The following CHD9NB variants were observed in gnomAD, a reference collection of about 807,000 sequenced individuals.
CHD9NB encodes CHD9 neighbor protein.
At chr16:53,049,123 T>C in the CHD9NB span, among the ~76,000 whole-genome samples, 1 of 151,994 alleles carries the variant, frequency 6.6e-6, no homozygotes, top group Non-Finnish European at 1.5e-5. Context: ...CCTCCCAAAG[T>C]GCTGGGATTA....
chr16:53,042,667 G>GACCA, the CHD9NB span: 1 of 151,828 alleles, frequency 6.6e-6, no homozygotes, highest in African/African-American at 2.4e-5. Flanking sequence ...ACTCCAAGCT[G>GACCA]ACCGGTTACA....
At chr16:53,044,186 C>T in the CHD9NB span, 4 of 398,568 alleles carry the variant, frequency 1.0e-5, no homozygotes, top group Admixed American at 4.4e-5. Flanking sequence ...GATCCAGTGC[C>T]CTTGGATGTT....
At chr16:53,044,656 C>T in the CHD9NB span, among the ~76,000 whole-genome samples, 323 of 152,272 alleles carry the variant, frequency 2.1e-3, no homozygotes, top group African/African-American at 7.1e-3. Context: ...GTCTTAGGAC[C>T]GTGGACTCCC....
the CHD9NB span, among the ~76,000 whole-genome samples, chr16:53,049,322 TTGTGTGTGTG>T: frequency 6.2e-5 from 9 of 144,888 alleles, no homozygotes; most frequent in South Asian, 2.3e-4. Flanking sequence ...CCCCCAGCTG[TTGTGTGTGTG>T]TGTGTGTGTG....
At chr16:53,038,679 C>A in the CHD9NB span, among the ~76,000 whole-genome samples, 2 of 152,102 alleles carry the variant, frequency 1.3e-5, no homozygotes, top group Non-Finnish European at 2.9e-5. Context: ...CATCACACCC[C>A]CCCTGCACCC....
chr16:53,038,552 T>C, the CHD9NB span, among the ~76,000 whole-genome samples: 1 of 152,288 alleles, frequency 6.6e-6, no homozygotes, highest in Admixed American at 6.5e-5. Context: ...GGTTTTGCCA[T>C]GTTGGCCAGG....
At chr16:53,036,340 C>T in the CHD9NB span, among the ~76,000 whole-genome samples, 1 of 152,146 alleles carries the variant, frequency 6.6e-6, no homozygotes, top group Non-Finnish European at 1.5e-5. Flanking sequence ...GTGAATGTTC[C>T]GTGAGCAGAA....
chr16:53,045,434 C>T, the CHD9NB span, among the ~76,000 whole-genome samples: 1 of 152,294 alleles, frequency 6.6e-6, no homozygotes, highest in African/African-American at 2.4e-5. Flanking sequence ...AGTGAAGCCT[C>T]GTGTTCTATG....
chr16:53,035,702 C>A, the CHD9NB span: 3 of 152,188 alleles, frequency 2.0e-5, no homozygotes, highest in Non-Finnish European at 4.4e-5. Context: ...GTGGCTCACA[C>A]CCATAATATC....
At chr16:53,052,121 A>G in the CHD9NB span, among the ~76,000 whole-genome samples, 1 of 151,534 alleles carries the variant, frequency 6.6e-6, no homozygotes, top group African/African-American at 2.4e-5. Context: ...GCTTGTGTCT[A>G]TAATCCCAGC....
chr16:53,038,207 C>T, the CHD9NB span, among the ~76,000 whole-genome samples: 63,713 of 152,040 alleles, frequency 0.42, 13,988 homozygotes, highest in Non-Finnish European at 0.47. Context: ...ATTAGATTAA[C>T]GACAGTGGGT....
the CHD9NB span, among the ~76,000 whole-genome samples, chr16:53,046,513 CAAA>C: frequency 6.9e-6 from 1 of 144,192 alleles, no homozygotes. Flanking sequence ...CCATCTCTAC[CAAA>C]AAAAAAAAAA....
At chr16:53,040,229 C>G in the CHD9NB span, among the ~76,000 whole-genome samples, 17 of 152,148 alleles carry the variant, frequency 1.1e-4, 1 homozygote, top group Admixed American at 3.3e-4. Context: ...ACCACCACAC[C>G]CAGGTAATTT....
At chr16:53,051,778 T>C in the CHD9NB span, among the ~76,000 whole-genome samples, 8 of 32,514 alleles carry the variant, frequency 2.5e-4, no homozygotes, top group Non-Finnish European at 6.8e-4. Flanking sequence ...AATATATATA[T>C]ATATATATAT....
At chr16:53,039,740 C>CAAA in the CHD9NB span, among the ~76,000 whole-genome samples, 1 of 145,226 alleles carries the variant, frequency 6.9e-6, no homozygotes, top group Non-Finnish European at 1.5e-5. Context: ...GATTCCATCT[C>CAAA]AAAAAAAAAA....
At chr16:53,036,257 C>G in the CHD9NB span, among the ~76,000 whole-genome samples, 3 of 152,134 alleles carry the variant, frequency 2.0e-5, no homozygotes, top group African/African-American at 7.2e-5. Context: ...TTTTACCTTC[C>G]TGGTAGACCT....
the CHD9NB span, chr16:53,044,408 C>A: frequency 2.7e-6 from 1 of 375,070 alleles, no homozygotes. Flanking sequence ...CCATTCATTC[C>A]ACCAGAAGAA....
the CHD9NB span, among the ~76,000 whole-genome samples, chr16:53,042,387 T>G: frequency 6.9e-6 from 1 of 144,318 alleles, no homozygotes. Context: ...TTTCTCTCCC[T>G]CTCCTTCTTT....
the CHD9NB span, among the ~76,000 whole-genome samples, chr16:53,049,819 C>T: frequency 6.6e-6 from 1 of 152,112 alleles, no homozygotes; most frequent in South Asian, 2.1e-4. Context: ...GTTTGAATAC[C>T]ACCTCTAGAG....
Sources: allele counts gnomAD v4.1 joint callset (sites outside exome capture counted in the v4.1 genomes callset), GRCh38; gene constraint gnomAD v4.1.1; transcripts MANE v1.5; gene names NCBI Gene and HGNC (gene_info 2026-07-23, HGNC 2026-07-21).